GRAMD2B: variants seen among roughly 807,000 people sequenced by gnomAD.
GRAMD2B encodes GRAM domain-containing protein 2B.
GRAMD2B carries 41 observed loss-of-function variants against 59.2 expected under a neutral mutation model. The ratio of observed to expected loss-of-function variants is 0.69; its 90% confidence interval spans 0.54 to 0.90. The LOEUF (loss-of-function observed/expected upper bound fraction) is 0.90, where lower values mean the gene tolerates loss of function less well. Among genes scored for constraint, GRAMD2B ranks in the 40% least tolerant of loss-of-function variants. GRAMD2B has a pLI of 0.00. For synonymous variants in GRAMD2B, 161 were observed against 182.7 expected (o/e 0.88, Z 0.96); for missense variants, 424 against 500.5 (o/e 0.85, Z 1.46).
At chr5:126,480,011 G>T (rs1771415489) in intron 6 of GRAMD2B, 1 of 153,994 alleles carries the variant, frequency 6.5e-6, no homozygotes, top group Non-Finnish European at 1.4e-5. Context: ...CCACTGGGAA[G>T]TTTTCAGTGG....
chr5:126,390,640 G>A (rs1182069526), intron 1 of GRAMD2B, among the ~76,000 whole-genome samples: 3 of 152,182 alleles, frequency 2.0e-5, no homozygotes, highest in Middle Eastern at 3.2e-3. Flanking sequence ...AGTAATTTCA[G>A]CAGCCTTTCA....
intron 1 of GRAMD2B, among the ~76,000 whole-genome samples, chr5:126,407,251 C>T (rs1580823105): frequency 6.6e-6 from 1 of 151,864 alleles, no homozygotes; most frequent in East Asian, 1.9e-4. Context: ...TTAGTTAGGT[C>T]CCTAGTATAG....
chr5:126,484,299 T>A (rs1772452617), intron 9 of GRAMD2B, 103 bp from the exon 10 acceptor site: 2 of 1,342,572 alleles, frequency 1.5e-6, no homozygotes, highest in Admixed American at 2.3e-5. Context: ...CCATTCACAT[T>A]CTTGACCATT....
At chr5:126,438,745 AT>A (rs1212703088) in intron 1 of GRAMD2B, among the ~76,000 whole-genome samples, 1 of 152,074 alleles carries the variant, frequency 6.6e-6, no homozygotes, top group African/African-American at 2.4e-5. Context: ...TGATTTGGGG[AT>A]TTTATCTGAG....
At chr5:126,360,436 G>A (rs901826508) in exon 1 of GRAMD2B, 5 of 1,551,284 alleles carry the variant, frequency 3.2e-6, no homozygotes, top group Non-Finnish European at 4.4e-6. Context: ...GAGAAGTGAA[G>A]CCAGTGGGTC....
At chr5:126,408,104 C>T (rs1758419686) in intron 1 of GRAMD2B, among the ~76,000 whole-genome samples, 1 of 151,966 alleles carries the variant, frequency 6.6e-6, no homozygotes, top group Admixed American at 6.6e-5. Context: ...TGCTCCCCTC[C>T]TTCCCTGCTC....
intron 1 of GRAMD2B, among the ~76,000 whole-genome samples, chr5:126,446,792 A>T (rs1561534673): frequency 6.6e-6 from 1 of 152,156 alleles, no homozygotes; most frequent in Non-Finnish European, 1.5e-5. Flanking sequence ...CCACTCCCAG[A>T]AACTGGGACT....
At chr5:126,405,543 C>G (rs1006190910) in intron 1 of GRAMD2B, among the ~76,000 whole-genome samples, 9 of 151,974 alleles carry the variant, frequency 5.9e-5, no homozygotes, top group Non-Finnish European at 8.8e-5. Context: ...ACTCTCCCCA[C>G]TCCCTTTCTT....
At chr5:126,360,655 G>A (rs1439561410) in intron 1 of GRAMD2B, among the ~76,000 whole-genome samples, 2 of 152,148 alleles carry the variant, frequency 1.3e-5, no homozygotes, top group African/African-American at 4.8e-5. Context: ...ATACTGTAAT[G>A]TCCTCAGAAA....
At chr5:126,462,902 T>G (rs573361044) in intron 1 of GRAMD2B, among the ~76,000 whole-genome samples, 1 of 152,192 alleles carries the variant, frequency 6.6e-6, no homozygotes, top group Non-Finnish European at 1.5e-5. Context: ...AAAGCTACTT[T>G]GAGTACACTG....
upstream of GRAMD2B, among the ~76,000 whole-genome samples, chr5:126,367,432 T>TGGAGGAGGAGGAGGA (rs70994862): frequency 7.8e-5 from 11 of 140,764 alleles, no homozygotes; most frequent in African/African-American, 2.2e-4. Context: ...CTGTAAAAAC[T>TGGAGGAGGAGGAGGA]GGAGGAGGAG....
chr5:126,361,986 C>G (rs1264340931), intron 1 of GRAMD2B, among the ~76,000 whole-genome samples: 2 of 152,198 alleles, frequency 1.3e-5, no homozygotes, highest in African/African-American at 4.8e-5. Flanking sequence ...TGCACACAAG[C>G]ATGTTAAGCC....
upstream of GRAMD2B, among the ~76,000 whole-genome samples, chr5:126,420,909 A>T (rs980982423): frequency 3.9e-5 from 6 of 152,346 alleles, no homozygotes; most frequent in East Asian, 7.7e-4. Context: ...AGCCAAAAAA[A>T]AATGAAATTT....
At chr5:126,424,846 G>T (rs1364295858) in intron 1 of GRAMD2B, among the ~76,000 whole-genome samples, 1 of 152,192 alleles carries the variant, frequency 6.6e-6, no homozygotes, top group Non-Finnish European at 1.5e-5. Flanking sequence ...GCAGATAAAA[G>T]CACTGAAGCT....
intron 10 of GRAMD2B, 106 bp downstream of exon 10, chr5:126,484,630 C>CT: frequency 8.5e-7 from 1 of 1,171,480 alleles, no homozygotes; most frequent in Non-Finnish European, 1.2e-6. Flanking sequence ...ACCCAGGCTG[C>CT]TGTAGTGCAA....
intron 13 of GRAMD2B, among the ~76,000 whole-genome samples, chr5:126,491,999 C>T (rs1774024710): frequency 6.6e-6 from 1 of 152,192 alleles, no homozygotes; most frequent in Admixed American, 6.5e-5. Flanking sequence ...TCCCAAAGTG[C>T]TGGGATTACA....
intron 5 of GRAMD2B, 30 bp downstream of exon 5, chr5:126,473,398 C>G (rs748932397): frequency 5.2e-6 from 4 of 773,172 alleles, no homozygotes; most frequent in Non-Finnish European, 8.3e-6. Context: ...AAAATGCTAA[C>G]CCTATACTTT....
intron 1 of GRAMD2B, among the ~76,000 whole-genome samples, chr5:126,366,238 C>T (rs1384915728): frequency 6.6e-6 from 1 of 152,078 alleles, no homozygotes; most frequent in Non-Finnish European, 1.5e-5. Flanking sequence ...ATGCTTTAGC[C>T]CATGAATTAG....
At chr5:126,482,011 C>T (rs1581250466) in intron 8 of GRAMD2B, among the ~76,000 whole-genome samples, 3 of 150,344 alleles carry the variant, frequency 2.0e-5, no homozygotes, top group South Asian at 4.2e-4. Context: ...CTGATACCTG[C>T]TACAATATAG....
Sources: gnomAD v4.1 joint callset for allele counts (sites outside exome capture counted in the v4.1 genomes callset) on GRCh38, gnomAD v4.1.1 for gene constraint, MANE v1.5 for transcripts, NCBI Gene and HGNC (gene_info 2026-07-23, HGNC 2026-07-21) for gene names.